ARHGAP24: variants seen among roughly 807,000 people sequenced by gnomAD.
ARHGAP24 encodes the protein Rho GTPase activating protein 24, also known as rho GTPase-activating protein 24.
Under a neutral mutation model 76.4 loss-of-function variants are expected in ARHGAP24, and 50 were observed. The ratio of observed to expected loss-of-function variants is 0.65; its 90% confidence interval spans 0.52 to 0.83. The LOEUF (loss-of-function observed/expected upper bound fraction) is 0.83, where lower values mean the gene tolerates loss of function less well. Among genes scored for constraint, ARHGAP24 ranks in the 40% least tolerant of loss-of-function variants. The pLI, the probability that ARHGAP24 is intolerant of heterozygous loss-of-function variation, is 0.00. For missense variants in ARHGAP24, 930 were observed against 914.2 expected (o/e 1.02, Z -0.22); for synonymous variants, 345 against 323.3 (o/e 1.07, Z -0.72).
At chr4:85,758,142 TGTAA>T (rs1262272968) in intron 3 of ARHGAP24, among the ~76,000 whole-genome samples, 1 of 152,204 alleles carries the variant, frequency 6.6e-6, no homozygotes, top group African/African-American at 2.4e-5. Context: ...GATCTATGCT[TGTAA>T]GTATGTGTGT....
At chr4:85,786,029 A>G (rs116380298) in intron 3 of ARHGAP24, among the ~76,000 whole-genome samples, 1 of 152,110 alleles carries the variant, frequency 6.6e-6, no homozygotes, top group African/African-American at 2.4e-5. Flanking sequence ...TTTTCTTAAC[A>G]TCTATGGCCT....
chr4:85,602,898 C>T (rs1720080165), intron 2 of ARHGAP24, among the ~76,000 whole-genome samples: 1 of 152,168 alleles, frequency 6.6e-6, no homozygotes, highest in Non-Finnish European at 1.5e-5. Flanking sequence ...TAAGGTGACA[C>T]TGAGAGATTT....
At chr4:85,527,338 T>C (rs1725049711) in intron 1 of ARHGAP24, among the ~76,000 whole-genome samples, 3 of 152,142 alleles carry the variant, frequency 2.0e-5, no homozygotes, top group Admixed American at 1.3e-4. Flanking sequence ...GGATGTCAGT[T>C]ATGTCAAACA....
chr4:85,638,883 T>C (rs1721418884), intron 2 of ARHGAP24, among the ~76,000 whole-genome samples: 1 of 152,190 alleles, frequency 6.6e-6, no homozygotes, highest in Non-Finnish European at 1.5e-5. Flanking sequence ...CTAATACTCT[T>C]GGTTTACTTC....
chr4:85,579,708 T>G (rs1296673107), intron 2 of ARHGAP24, among the ~76,000 whole-genome samples: 1 of 152,202 alleles, frequency 6.6e-6, no homozygotes, highest in Non-Finnish European at 1.5e-5. Context: ...ATTAGTGTTC[T>G]CACTTTCTGA....
At chr4:85,803,949 T>C (rs1176330548) in intron 3 of ARHGAP24, among the ~76,000 whole-genome samples, 9 of 149,332 alleles carry the variant, frequency 6.0e-5, no homozygotes. Context: ...TTTCTTTTTC[T>C]TTTTCTTTTT....
At chr4:85,893,666 T>C (rs1181317662) in intron 3 of ARHGAP24, among the ~76,000 whole-genome samples, 1 of 131,008 alleles carries the variant, frequency 7.6e-6, no homozygotes, top group Non-Finnish European at 1.6e-5. Flanking sequence ...AATTCTTTTC[T>C]TTAAGAATGT....
At chr4:85,731,250 A>G (rs555406797) in intron 3 of ARHGAP24, among the ~76,000 whole-genome samples, 58 of 152,298 alleles carry the variant, frequency 3.8e-4, no homozygotes, top group Non-Finnish European at 4.7e-4. Flanking sequence ...AGAAACAAGG[A>G]TGACAAGAAG....
In ARHGAP24 at chr4:85,507,832, T is replaced by C. The variant is rs184280895; in HGVS notation, c.-21+32273T>C. Among the ~76,000 whole-genome samples, 477 of 152,346 alleles carry C rather than the reference T, an allele frequency of 3.1e-3. 3 individuals are homozygous for C. The highest frequency in any genetic ancestry group is 5.4e-3 in the Admixed American group (83 of 15,304). ...TTGAATAGAAGTGATATTCAATAAA[T>C]AGTTACTTAATAAATAAATCAACAA... On this transcript the variant is annotated intron_variant, in intron 1 of 9. Transcript: ENST00000395184.
At chr4:85,687,098 GTGA>G (rs5859995) in intron 2 of ARHGAP24, among the ~76,000 whole-genome samples, 3 of 151,808 alleles carry the variant, frequency 2.0e-5, no homozygotes, top group African/African-American at 2.4e-5. Flanking sequence ...TTAGATAATG[GTGA>G]TGATGATGAT....
chr4:85,667,437 C>A (rs866741262), intron 2 of ARHGAP24, among the ~76,000 whole-genome samples: 1 of 151,658 alleles, frequency 6.6e-6, no homozygotes, highest in South Asian at 2.1e-4. Context: ...AACTCCCTGA[C>A]CCCTTGTGCT....
At chr4:85,733,392 C>T (rs926459133) in intron 3 of ARHGAP24, among the ~76,000 whole-genome samples, 2 of 152,066 alleles carry the variant, frequency 1.3e-5, no homozygotes, top group Non-Finnish European at 2.9e-5. Context: ...AGGACAGTCC[C>T]TAAACTGTTA....
At chr4:85,658,004 C>T (rs775411227) in intron 2 of ARHGAP24, among the ~76,000 whole-genome samples, 1 of 152,238 alleles carries the variant, frequency 6.6e-6, no homozygotes. Flanking sequence ...ATCTGCCCCC[C>T]TCGGCTTCCC....
At chr4:85,674,764 AC>A (rs1352417227) in intron 2 of ARHGAP24, among the ~76,000 whole-genome samples, 1 of 152,194 alleles carries the variant, frequency 6.6e-6, no homozygotes, top group Non-Finnish European at 1.5e-5. Flanking sequence ...AACCTTGTAA[AC>A]CTTGAACTAA....
chr4:85,624,801 G>A (rs2110007127), intron 2 of ARHGAP24, among the ~76,000 whole-genome samples: 1 of 152,242 alleles, frequency 6.6e-6, no homozygotes, highest in Admixed American at 6.5e-5. Flanking sequence ...TTTAGTCTTT[G>A]GAGGATGTAT....
chr4:85,840,394 C>T (rs1730533754), intron 3 of ARHGAP24, among the ~76,000 whole-genome samples: 1 of 152,182 alleles, frequency 6.6e-6, no homozygotes, highest in Admixed American at 6.5e-5. Context: ...TAAATAACAG[C>T]TATGAAGAAG....
Position 85,804,716 on chromosome 4 carries a change from T to G in ARHGAP24, c.268+82744T>G, listed in dbSNP as rs1008301829. Among the ~76,000 whole-genome samples the G allele has an allele frequency of 3.9e-5, 6 of 152,344 alleles. No individual in the cohort carries two copies. In the East Asian group the frequency reaches 1.2e-3, roughly 29 times the overall value. Reference sequence around the variant, plus strand: ...TGGATTTGTACAGGGCTTTATATTTTTCAAAATATTTTATTTTATTTGAAT... The same window carrying G: ...TGGATTTGTACAGGGCTTTATATTTGTCAAAATATTTTATTTTATTTGAAT... On this transcript the variant is annotated intron_variant, in intron 3 of 9. Transcript: ENST00000395184.
rs772648822 is a variant in ARHGAP24, at chr4:85,564,565, AG to A, written c.-20-5956del. ...ATAATAAAAAAAAATTAAAAAAAAA[AG>A]ATTTTGTTTTCTAGAGCAGTGGTCC... is the stretch of plus-strand genomic sequence containing the variant. On this transcript the variant is annotated intron_variant, in intron 1 of 9. Coordinates refer to ENST00000395184, the MANE Select transcript of ARHGAP24 (RefSeq NM_001025616.3). Among the ~76,000 whole-genome samples, 9 of 151,984 alleles carry A rather than the reference AG, an allele frequency of 5.9e-5. No individual in the cohort carries two copies. In the East Asian group the frequency reaches 9.7e-4, roughly 16 times the overall value.
At chr4:85,655,800 G>A (rs1479356614) in intron 2 of ARHGAP24, among the ~76,000 whole-genome samples, 2 of 46,606 alleles carry the variant, frequency 4.3e-5, no homozygotes, top group African/African-American at 9.1e-5. Flanking sequence ...TATAGAGAGA[G>A]AGAGAGAGAG....
Sources: allele counts gnomAD v4.1 joint callset (sites outside exome capture counted in the v4.1 genomes callset), GRCh38; gene constraint gnomAD v4.1.1; transcripts MANE v1.5; gene names NCBI Gene and HGNC (gene_info 2026-07-23, HGNC 2026-07-21).